CEP120: variants seen among roughly 807,000 people sequenced by gnomAD.
CEP120 encodes the protein centrosomal protein of 120 kDa.
A neutral mutation model predicts 126.5 loss-of-function variants in CEP120; 113 were observed. The ratio of observed to expected loss-of-function variants is 0.89; its 90% CI spans 0.77 to 1.04. CEP120 has a LOEUF of 1.04. CEP120 is among the 50% of genes least tolerant of loss of function. CEP120 has a pLI of 0.00. For missense variants in CEP120, 1,230 were observed against 1,155.7 expected (o/e 1.06, Z -0.93); for synonymous variants, 400 against 394.3 (o/e 1.01, Z -0.17).
chr5:123,388,123 G>A (rs1772145222), intron 9 of CEP120, among the ~76,000 whole-genome samples: 1 of 139,506 alleles, frequency 7.2e-6, no homozygotes, highest in African/African-American at 2.7e-5. Context: ...TCAAGTTTAA[G>A]AGGCACTGTA....
At chr5:123,417,399 TAAATA>T (rs1389592775) in intron 2 of CEP120, among the ~76,000 whole-genome samples, 1 of 152,154 alleles carries the variant, frequency 6.6e-6, no homozygotes, top group Non-Finnish European at 1.5e-5. Context: ...AATCCTTAAA[TAAATA>T]AGAGTATTGC....
chr5:123,382,153 C>T lies in CEP120; in HGVS notation c.2061G>A (p.Trp687Ter), dbSNP rs753729269. The change falls in exon 14 of 20, where the codon TGG (tryptophan) becomes TGA (stop). Residue 687 changes from tryptophan (W) to a stop codon, truncating the protein, a stop_gained. Coordinates refer to ENST00000306467, the MANE Select transcript of CEP120 (RefSeq NM_001375405.1). LOFTEE classifies it high-confidence loss of function. Reference protein sequence around the residue: ...LAHMQALAEEWKKRDRERESL... With the variant: ...LAHMQALAEE ...ATTCTCTTTCTCGGTCCCTTTTCTT[C>T]CATTCCTCTGCAAGAGCCTGCATAT... The T allele has an allele frequency of 6.2e-7, 1 of 1,610,230 alleles. No homozygotes were observed.
rs766641356 is a variant in CEP120 at position 123,416,127 on chromosome 5, A to G, written c.207-3T>C. On this transcript the variant is annotated splice_polypyrimidine_tract_variant and splice_region_variant and intron_variant, in intron 2 of 19. Transcript: ENST00000306467. ...GTTTGATAGGAGTACGCTGTAGCCT[A>G]TAACAAAACATGTGATAAATAAAAT... 10 of 1,541,062 alleles carry G rather than the reference A, an allele frequency of 6.5e-6. No homozygotes were observed. The highest frequency in any genetic ancestry group is 2.2e-5 in the East Asian group (1 of 44,462).
At chr5:123,407,116 A>AC (rs1001009132) in intron 4 of CEP120, among the ~76,000 whole-genome samples, 1 of 151,236 alleles carries the variant, frequency 6.6e-6, no homozygotes, top group Non-Finnish European at 1.5e-5. Flanking sequence ...AAAAAAAAAA[A>AC]AAACAAAAAA....
chr5:123,376,814 C>T (rs1036719183), intron 16 of CEP120, among the ~76,000 whole-genome samples: 12 of 151,996 alleles, frequency 7.9e-5, no homozygotes, highest in Admixed American at 2.0e-4. Context: ...CATGAAATCA[C>T]GAATAAGATT....
intron 5 of CEP120, among the ~76,000 whole-genome samples, chr5:123,396,575 C>T (rs1772806267): frequency 1.3e-5 from 2 of 152,162 alleles, no homozygotes; most frequent in African/African-American, 4.8e-5. Flanking sequence ...TAGCTTCTCA[C>T]AAACAACATG....
chr5:123,407,115 A>G (rs1242173296), intron 4 of CEP120, among the ~76,000 whole-genome samples: 1 of 151,246 alleles, frequency 6.6e-6, no homozygotes, highest in Admixed American at 6.6e-5. Context: ...TAAAAAAAAA[A>G]AAAACAAAAA....
intron 17 of CEP120, among the ~76,000 whole-genome samples, chr5:123,364,799 C>T (rs1770336727): frequency 6.6e-6 from 1 of 151,426 alleles, no homozygotes; most frequent in Admixed American, 6.6e-5. Context: ...TTTTTATTGC[C>T]TAACAGTCTA....
At position 123,385,059 on chromosome 5, in the gene CEP120, T is replaced by C; in HGVS notation, c.1655A>G (p.Gln552Arg). The C allele has an allele frequency of 6.2e-7, 1 of 1,613,768 alleles. No homozygotes were observed. The highest frequency in any genetic ancestry group is 8.5e-7 in the Non-Finnish European group (1 of 1,179,784). Residue 552 changes from glutamine to arginine, a missense_variant, in exon 11 of 20, where the codon CAG becomes CGG. By Grantham distance (43) the Gln-to-Arg change is conservative. Coordinates refer to ENST00000306467, the MANE Select transcript of CEP120 (RefSeq NM_001375405.1). ...TTCTGAAGACAAGATGTTAGAAAGC[T>C]GGATTCTCGCAATTCCCAGAAGTAA... ...KDLLLGIARI[Q>R]LSNILSSEKT...
chr5:123,366,258 G>A (rs1323479089), intron 17 of CEP120, among the ~76,000 whole-genome samples: 1 of 151,632 alleles, frequency 6.6e-6, no homozygotes, highest in Non-Finnish European at 1.5e-5. Flanking sequence ...TAATTTCAAG[G>A]CATTCAAAGA....
At chr5:123,375,558 A>C (rs1011818429) in intron 16 of CEP120, among the ~76,000 whole-genome samples, 1 of 148,362 alleles carries the variant, frequency 6.7e-6, no homozygotes, top group Non-Finnish European at 1.5e-5. Context: ...CCTGGGCTCA[A>C]GCACTCCTCC....
At chr5:123,393,187 C>G (rs1450685515) in intron 6 of CEP120, 113 bp downstream of exon 6, 43 of 922,478 alleles carry the variant, frequency 4.7e-5, no homozygotes, top group Non-Finnish European at 6.5e-5. Context: ...GAAAGATAAC[C>G]TGTACTACTG....
rs1159415425 is a variant in CEP120 at position 123,368,098 on chromosome 5, T to A, written c.2482-3504A>T. On this transcript the variant is annotated intron_variant, in intron 17 of 19. Transcript: ENST00000306467. ...TTTCTCTCTCAAGGCAAACTCACAG[T>A]ACTGCTTATACTTTTAATATGTTTA... 3.9e-5 allele frequency among the ~76,000 whole-genome samples: 6 copies of A among 152,078 alleles called. No individual in the cohort carries two copies. In the East Asian group the frequency reaches 1.2e-3, roughly 30 times the overall value.
At chr5:123,361,669 G>A (rs1231693645) in intron 18 of CEP120, among the ~76,000 whole-genome samples, 4 of 151,652 alleles carry the variant, frequency 2.6e-5, no homozygotes, top group African/African-American at 9.7e-5. Context: ...CAGTCACAAA[G>A]CCCTCTAGTA....
chr5:123,422,717 G>A, intron 1 of CEP120: 1 of 707,778 alleles, frequency 1.4e-6, no homozygotes, highest in Non-Finnish European at 2.4e-6. Flanking sequence ...AGATTCTCTG[G>A]GGCTACGGCT....
chr5:123,402,682 G>T (rs1280690580), intron 4 of CEP120, among the ~76,000 whole-genome samples: 1 of 152,156 alleles, frequency 6.6e-6, no homozygotes, highest in East Asian at 1.9e-4. Context: ...CAAAGTGCTG[G>T]AACAGGCGTG....
intron 7 of CEP120, chr5:123,390,895 T>A (rs1237553454): frequency 2.3e-6 from 1 of 443,366 alleles, no homozygotes; most frequent in African/African-American, 2.0e-5. Context: ...ACAAAAAGAC[T>A]GTCTCAAAGG....
chr5:123,355,196 T>G (rs1282490329), intron 18 of CEP120, among the ~76,000 whole-genome samples: 1 of 152,186 alleles, frequency 6.6e-6, no homozygotes, highest in African/African-American at 2.4e-5. Flanking sequence ...TGTTGGACAT[T>G]TGGGTTGGTT....
chr5:123,395,056 G>A (rs966784068), intron 5 of CEP120, among the ~76,000 whole-genome samples: 1 of 152,132 alleles, frequency 6.6e-6, no homozygotes, highest in Non-Finnish European at 1.5e-5. Flanking sequence ...TATTCTGGAG[G>A]GGTTTAGAGA....
Sources: allele counts gnomAD v4.1 joint callset (sites outside exome capture counted in the v4.1 genomes callset), GRCh38; gene constraint gnomAD v4.1.1; transcripts MANE v1.5; gene names NCBI Gene and HGNC (gene_info 2026-07-23, HGNC 2026-07-21).